The following TNR variants were observed in gnomAD, a reference collection of about 807,000 sequenced individuals.
The protein encoded by TNR is tenascin-R.
A neutral mutation model predicts 150.4 loss-of-function variants in TNR; 45 were observed. That is an observed-to-expected ratio of 0.30 (90% CI 0.24 to 0.38). The LOEUF (loss-of-function observed/expected upper bound fraction) is 0.38. Ranked by LOEUF, TNR falls within the 10% of genes least tolerant of loss-of-function variation. The probability of loss-of-function intolerance (pLI) is 1.00; values close to 1 mark genes in which losing one functional copy is unlikely to be tolerated. For missense variants in TNR, 1,544 were observed against 1,759.1 expected (o/e 0.88, Z 2.19); for synonymous variants, 687 against 678.4 (o/e 1.01, Z -0.20).
intron 1 of TNR, among the ~76,000 whole-genome samples, chr1:175,668,040 AT>A (rs1289312561): frequency 6.6e-6 from 1 of 152,170 alleles, no homozygotes. Context: ...CAGAGGCCAC[AT>A]TTTTAACAAG....
intron 2 of TNR, among the ~76,000 whole-genome samples, chr1:175,450,386 A>T (rs1373618085): frequency 6.6e-6 from 1 of 152,100 alleles, no homozygotes; most frequent in Non-Finnish European, 1.5e-5. Context: ...ACAAAAATGG[A>T]GATATTTAGG....
At chr1:175,439,519 A>T (rs1205256633) in intron 2 of TNR, among the ~76,000 whole-genome samples, 1 of 152,194 alleles carries the variant, frequency 6.6e-6, no homozygotes, top group African/African-American at 2.4e-5. Context: ...GCCAAAACTG[A>T]CAAATGGGAT....
chr1:175,657,903 G>A (rs1176555903), intron 1 of TNR, among the ~76,000 whole-genome samples: 8 of 111,320 alleles, frequency 7.2e-5, no homozygotes, highest in African/African-American at 3.3e-5. Flanking sequence ...CCTGCACGTT[G>A]TGCACATGTA....
At chr1:175,537,123 A>G (rs1348888275) in intron 1 of TNR, among the ~76,000 whole-genome samples, 1 of 152,174 alleles carries the variant, frequency 6.6e-6, no homozygotes, top group African/African-American at 2.4e-5. Context: ...TGATCACCAA[A>G]CCTGGAATGC....
intron 2 of TNR, among the ~76,000 whole-genome samples, chr1:175,410,581 G>A (rs1357599208): frequency 6.6e-6 from 1 of 152,202 alleles, no homozygotes; most frequent in Non-Finnish European, 1.5e-5. Flanking sequence ...TTCTGGCCTG[G>A]CTTTCCAGGA....
intron 1 of TNR, among the ~76,000 whole-genome samples, chr1:175,574,381 AAG>A (rs1464667607): frequency 6.6e-6 from 1 of 152,154 alleles, no homozygotes; most frequent in Admixed American, 6.5e-5. Context: ...AAAAAAGAAG[AAG>A]AGAGAGAAAA....
chr1:175,537,151 C>G (rs561057884), intron 1 of TNR, among the ~76,000 whole-genome samples: 1 of 152,162 alleles, frequency 6.6e-6, no homozygotes, highest in African/African-American at 2.4e-5. Context: ...GAAGGGCACC[C>G]CTTGGAGAGC....
chr1:175,544,981 A>G (rs1240975481), intron 1 of TNR, among the ~76,000 whole-genome samples: 1 of 152,184 alleles, frequency 6.6e-6, no homozygotes, highest in African/African-American at 2.4e-5. Flanking sequence ...CTGCCATAAG[A>G]TCACCTATTC....
At chr1:175,329,687 T>C (rs1050276391) in intron 21 of TNR, among the ~76,000 whole-genome samples, 1 of 152,212 alleles carries the variant, frequency 6.6e-6, no homozygotes, top group Non-Finnish European at 1.5e-5. Context: ...ATGATTCTGC[T>C]CTCACTGCAT....
intron 1 of TNR, chr1:175,538,930 C>T (rs918192037): frequency 5.3e-5 from 8 of 152,230 alleles, no homozygotes; most frequent in Non-Finnish European, 8.8e-5. Context: ...GGCCAATTCC[C>T]AAGTGGTGGA....
At chr1:175,473,336 T>C (rs1657378031) in intron 2 of TNR, among the ~76,000 whole-genome samples, 1 of 152,198 alleles carries the variant, frequency 6.6e-6, no homozygotes, top group African/African-American at 2.4e-5. Flanking sequence ...CACATGCTCA[T>C]CACCAGCAGC....
chr1:175,469,435 G>A (rs1428290973), intron 2 of TNR, among the ~76,000 whole-genome samples: 2 of 152,152 alleles, frequency 1.3e-5, no homozygotes, highest in African/African-American at 2.4e-5. Flanking sequence ...TTAATGGTGT[G>A]TAGTTGGGTC....
chr1:175,574,118 TTCCTCTGTCAGGGA>T (rs1238804645), intron 1 of TNR, among the ~76,000 whole-genome samples: 3 of 151,994 alleles, frequency 2.0e-5, no homozygotes, highest in Non-Finnish European at 4.4e-5. Flanking sequence ...TGCTCCCAAC[TTCCTCTGTCAGGGA>T]TCCTAAACCT....
chr1:175,672,065 A>T (rs1665717861), intron 1 of TNR, among the ~76,000 whole-genome samples: 1 of 152,208 alleles, frequency 6.6e-6, no homozygotes, highest in Non-Finnish European at 1.5e-5. Flanking sequence ...AGATGGATGG[A>T]TAGATTCAAA....
chr1:175,705,464 T>C (rs999029321), intron 1 of TNR, among the ~76,000 whole-genome samples: 1 of 152,156 alleles, frequency 6.6e-6, no homozygotes, highest in African/African-American at 2.4e-5. Flanking sequence ...ATCTAAATTC[T>C]AGAAAGATAA....
intron 18 of TNR, among the ~76,000 whole-genome samples, chr1:175,352,351 T>C (rs1022887347): frequency 6.6e-6 from 1 of 152,230 alleles, no homozygotes; most frequent in African/African-American, 2.4e-5. Context: ...GATAAAATGA[T>C]TAATTTAGAC....
intron 2 of TNR, among the ~76,000 whole-genome samples, chr1:175,454,532 G>A (rs1402048374): frequency 2.0e-5 from 3 of 152,080 alleles, no homozygotes; most frequent in South Asian, 2.1e-4. Context: ...GTGCAATGGC[G>A]CAATCTCGGC....
chr1:175,681,229 G>A (rs1427160887), intron 1 of TNR, among the ~76,000 whole-genome samples: 3 of 152,196 alleles, frequency 2.0e-5, no homozygotes, highest in African/African-American at 7.2e-5. Flanking sequence ...GGAAAGAACA[G>A]CTCCCAACAA....
At chr1:175,579,096 G>C (rs1662235223) in intron 1 of TNR, among the ~76,000 whole-genome samples, 1 of 152,074 alleles carries the variant, frequency 6.6e-6, no homozygotes, top group South Asian at 2.1e-4. Context: ...TTCAGAGCTA[G>C]AGGCTGAGGT....
Sources: allele counts gnomAD v4.1 joint callset (sites outside exome capture counted in the v4.1 genomes callset), GRCh38; gene constraint gnomAD v4.1.1; transcripts MANE v1.5; gene names NCBI Gene and HGNC (gene_info 2026-07-23, HGNC 2026-07-21).